Variants in SPINK1 observed in about 807,000 individuals in gnomAD.
SPINK1 encodes the protein serine protease inhibitor Kazal-type 1.
Under a neutral mutation model 9.5 loss-of-function variants are expected in SPINK1, and 5 were observed. The observed-to-expected ratio is 0.52, with a 90% CI of 0.27 to 1.10. SPINK1 has a LOEUF of 1.10. SPINK1 is among the 50% of genes least tolerant of loss of function. The pLI, the probability that SPINK1 is intolerant of heterozygous loss-of-function variation, is 0.11. For missense variants in SPINK1, 88 were observed against 92.7 expected, an observed-to-expected ratio of 0.95 and a Z score of 0.21; for synonymous variants, 37 against 32.3, an observed-to-expected ratio of 1.14 and a Z score of -0.49.
chr5:147,836,906 T>C, the SPINK1 span, among the ~76,000 whole-genome samples: 1 of 152,150 alleles, frequency 6.6e-6, no homozygotes, highest in Non-Finnish European at 1.5e-5. Context: ...TTTCAGGATA[T>C]TTTCCCAAAA....
Position 147,831,396 on chromosome 5 carries a change from T to C in SPINK1, c.55+127A>G. On this transcript the variant is annotated intron_variant, in intron 1 of 3. Coordinates refer to ENST00000296695, the MANE Select transcript of SPINK1 (RefSeq NM_001379610.1). ...AATAATTCTTACCTGTTGATTTTAT[T>C]TCATCTCATTAGGTCCAAAACATCT... The C allele has an allele frequency of 4.1e-6, 5 of 1,224,344 alleles. No homozygotes were observed. The South Asian group carries it at 5.4e-5, about 13-fold the overall frequency. The allele number at this position is 1,224,344 out of a possible 1,614,324, so 75.8% of individuals were successfully genotyped here. A position where few individuals can be genotyped will look rare whatever the true frequency, so the allele number is the denominator to read the frequency against.
intron 1 of SPINK1, 77 bp downstream of exon 1, chr5:147,831,446 G>A: frequency 2.5e-6 from 4 of 1,575,864 alleles, no homozygotes; most frequent in Non-Finnish European, 3.5e-6. Context: ...TACATCAAAA[G>A]TCTAGAAGAT....
At chr5:147,825,723 G>A (rs2036925155) in intron 3 of SPINK1, among the ~76,000 whole-genome samples, 1 of 152,132 alleles carries the variant, frequency 6.6e-6, no homozygotes, top group South Asian at 2.1e-4. Flanking sequence ...TTACAGGCAT[G>A]AGCCACCATG....
chr5:147,829,558 G>A (rs1230404490), intron 2 of SPINK1, 41 bp downstream of exon 2: 4 of 1,600,336 alleles, frequency 2.5e-6, no homozygotes, highest in Admixed American at 3.3e-5. Flanking sequence ...GGATCAAACT[G>A]TTCCAGTCTG....
intron 3 of SPINK1, 65 bp from the exon 4 acceptor site, chr5:147,824,771 G>A: frequency 4.9e-6 from 7 of 1,420,918 alleles, no homozygotes; most frequent in Non-Finnish European, 6.9e-6. Context: ...GACTATGGGA[G>A]AAAAACAGGG....
upstream of SPINK1, among the ~76,000 whole-genome samples, chr5:147,836,642 T>C (rs1422504211): frequency 6.6e-6 from 1 of 152,018 alleles, no homozygotes; most frequent in African/African-American, 2.4e-5. Context: ...TTTAATAAGA[T>C]TGCAAAGAAT....
At chr5:147,831,844 A>G (rs1318568471), upstream of SPINK1, 29 of 1,333,590 alleles carry the variant, frequency 2.2e-5, no homozygotes, top group Non-Finnish European at 2.8e-5. Context: ...AAATAGTTCT[A>G]GTGGTTAGTT....
rs370518065 is a variant in SPINK1, at chr5:147,829,936, T to A, written c.56-306A>T. ...TTATGCACTTACTGCTGGAAATGAA[T>A]CAGGCACTGAGCAAATTATCTTTTG... is the stretch of plus-strand genomic sequence containing the variant. On this transcript the variant is annotated intron_variant, in intron 1 of 3. Coordinates refer to ENST00000296695, the MANE Select transcript of SPINK1 (RefSeq NM_001379610.1). Among the ~76,000 whole-genome samples the A allele has an allele frequency of 1.4e-4, 22 of 152,336 alleles. No homozygotes were observed. The East Asian group carries it at 3.5e-3, about 24-fold the overall frequency.
At chr5:147,828,250 G>A (rs1756447662) in intron 2 of SPINK1, 122 bp from the exon 3 acceptor site, 2 of 815,162 alleles carry the variant, frequency 2.5e-6, no homozygotes, top group East Asian at 2.7e-5. Flanking sequence ...GATACTGTGT[G>A]TTGTAAGAGA....
chr5:147,833,534 A>G (rs140511001), upstream of SPINK1, among the ~76,000 whole-genome samples: 535 of 151,986 alleles, frequency 3.5e-3, no homozygotes, highest in South Asian at 9.6e-3. Context: ...TCCCCTTTCT[A>G]TGCATCATCT....
At chr5:147,828,860 T>C (rs868537871) in intron 2 of SPINK1, among the ~76,000 whole-genome samples, 6 of 152,150 alleles carry the variant, frequency 3.9e-5, no homozygotes, top group South Asian at 2.1e-4. Flanking sequence ...TTTATTCTAC[T>C]ACATCTCCCC....
upstream of SPINK1, chr5:147,831,778 A>T: frequency 2.1e-6 from 3 of 1,425,348 alleles, no homozygotes; most frequent in East Asian, 5.1e-5. Context: ...CCTGTGTAAG[A>T]AAGGTGAAAG....
chr5:147,828,106 T>A lies in SPINK1; in HGVS notation c.110A>T (p.Asn37Ile), dbSNP rs200142833. Residue 37 changes from asparagine to isoleucine, a missense_variant, in exon 3 of 4, where the codon AAT (asparagine) becomes ATT (isoleucine). Transcript: ENST00000296695. ...GREAKCYNEL[N>I]GCTKIYDPVC... ...AGGGTCATATATCTTGGTGCATCCA[T>A]TAAGTTCATTGTAACATTTGGCCTA... 1 of 1,613,312 alleles carries A rather than the reference T, an allele frequency of 6.2e-7. No homozygotes were observed. The highest frequency in any genetic ancestry group is 8.5e-7 in the Non-Finnish European group (1 of 1,179,700).
In SPINK1 at chr5:147,829,163, A is replaced by G. The variant is rs930164598; in HGVS notation, c.87+436T>C. 3.9e-5 allele frequency among the ~76,000 whole-genome samples: 6 copies of G among 152,212 alleles called. No homozygotes were observed. In the East Asian group the frequency reaches 7.7e-4, roughly 20 times the overall value. ...AAAATATGAAAAGGTTAGAGTTAGA[A>G]TATTTTTCTAGAAGGAGAACCTAGT... is the stretch of plus-strand genomic sequence containing the variant. On this transcript the variant is annotated intron_variant, in intron 2 of 3. Transcript: ENST00000296695.
chr5:147,836,625 A>C (rs890752371), upstream of SPINK1, among the ~76,000 whole-genome samples: 1 of 152,184 alleles, frequency 6.6e-6, no homozygotes, highest in African/African-American at 2.4e-5. Flanking sequence ...TTGTGGGCAT[A>C]GTAGACTTTA....
upstream of SPINK1, among the ~76,000 whole-genome samples, chr5:147,832,543 G>A (rs1045790818): frequency 2.0e-5 from 3 of 152,036 alleles, no homozygotes; most frequent in African/African-American, 7.2e-5. Context: ...CTCCTTCTAG[G>A]GCAAAGACCA....
At chr5:147,828,750 G>T (rs1303188283) in intron 2 of SPINK1, among the ~76,000 whole-genome samples, 3 of 152,108 alleles carry the variant, frequency 2.0e-5, no homozygotes, top group Admixed American at 6.5e-5. Flanking sequence ...AAGATAATGA[G>T]GCACAAAGCA....
At chr5:147,837,470 C>T in the SPINK1 span, among the ~76,000 whole-genome samples, 1 of 152,224 alleles carries the variant, frequency 6.6e-6, no homozygotes, top group African/African-American at 2.4e-5. Flanking sequence ...TAGCTCACAC[C>T]AGGACAACAA....
chr5:147,836,981 G>T, the SPINK1 span, among the ~76,000 whole-genome samples: 7 of 152,178 alleles, frequency 4.6e-5, no homozygotes, highest in African/African-American at 1.7e-4. Context: ...TTTCCAGCAT[G>T]TCATTTAATG....
Sources: allele counts gnomAD v4.1 joint callset (sites outside exome capture counted in the v4.1 genomes callset), GRCh38; gene constraint gnomAD v4.1.1; transcripts MANE v1.5; gene names NCBI Gene and HGNC (gene_info 2026-07-23, HGNC 2026-07-21).